Variants in AHCYL2 observed in about 807,000 individuals in gnomAD.
The protein encoded by AHCYL2 is S-adenosylhomocysteine hydrolase-like protein 2.
A neutral mutation model predicts 81.4 loss-of-function variants in AHCYL2; 28 were observed. The observed-to-expected ratio is 0.34, with a 90% CI of 0.25 to 0.47. The LOEUF (loss-of-function observed/expected upper bound fraction) is 0.47. Among genes scored for constraint, AHCYL2 ranks in the 20% least tolerant of loss-of-function variants. The pLI is 1.00. For synonymous variants in AHCYL2, 272 were observed against 290.2 expected (o/e 0.94, Z 0.64); for missense variants, 551 against 785.1 (o/e 0.70, Z 3.56).
chr7:129,336,773 G>A (rs1388652756), intron 1 of AHCYL2, among the ~76,000 whole-genome samples: 3 of 151,918 alleles, frequency 2.0e-5, no homozygotes, highest in Non-Finnish European at 4.4e-5. Context: ...TTTTGAGACA[G>A]GGTCTCACTG....
intron 5 of AHCYL2, among the ~76,000 whole-genome samples, chr7:129,399,580 G>A (rs1055967201): frequency 4.6e-5 from 7 of 152,092 alleles, no homozygotes; most frequent in Non-Finnish European, 7.4e-5. Context: ...GGAGAAACAC[G>A]TAAGGGTTTT....
chr7:129,333,834 G>A (rs182012601), intron 1 of AHCYL2, among the ~76,000 whole-genome samples: 91 of 152,282 alleles, frequency 6.0e-4, no homozygotes, highest in South Asian at 1.0e-3. Flanking sequence ...GGTTGATAGT[G>A]AACTTATGTG....
At chr7:129,302,888 C>CT (rs2150765211) in intron 1 of AHCYL2, among the ~76,000 whole-genome samples, 2 of 152,162 alleles carry the variant, frequency 1.3e-5, no homozygotes, top group South Asian at 4.1e-4. Context: ...GGAAGTATTC[C>CT]TTCCACCTCC....
chr7:129,354,844 T>TAATTGGCTCATGACCTTTAAAA (rs1434889876), intron 1 of AHCYL2, among the ~76,000 whole-genome samples: 1 of 152,162 alleles, frequency 6.6e-6, no homozygotes, highest in Non-Finnish European at 1.5e-5. Flanking sequence ...CCGTAGGAAA[T>TAATTGGCTCATGACCTTTAAAA]AATTGGCTCA....
chr7:129,327,845 G>A (rs13236141), intron 1 of AHCYL2, among the ~76,000 whole-genome samples: 96 of 151,960 alleles, frequency 6.3e-4, no homozygotes, highest in African/African-American at 2.2e-3. Context: ...CCAGGCTGTA[G>A]TGCAGTGATG....
chr7:129,361,105 A>C (rs1021378908), intron 1 of AHCYL2, among the ~76,000 whole-genome samples: 5 of 152,236 alleles, frequency 3.3e-5, no homozygotes, highest in African/African-American at 4.8e-5. Flanking sequence ...CAAGATCTTC[A>C]CATGATTTAT....
chr7:129,255,554 CT>C (rs1795386659), intron 1 of AHCYL2, among the ~76,000 whole-genome samples: 1 of 152,162 alleles, frequency 6.6e-6, no homozygotes, highest in African/African-American at 2.4e-5. Flanking sequence ...GACACGTCAT[CT>C]ATTTACATGA....
intron 1 of AHCYL2, among the ~76,000 whole-genome samples, chr7:129,372,748 G>A (rs2150866601): frequency 6.6e-6 from 1 of 152,258 alleles, no homozygotes; most frequent in Non-Finnish European, 1.5e-5. Context: ...CTGAGAGGTG[G>A]AGGTTGCAGT....
At chr7:129,275,975 A>G (rs905570804) in intron 1 of AHCYL2, among the ~76,000 whole-genome samples, 2 of 152,102 alleles carry the variant, frequency 1.3e-5, no homozygotes, top group Admixed American at 6.6e-5. Flanking sequence ...TTGAACACAC[A>G]CTGAATTCAT....
chr7:129,299,222 C>A (rs1270928891), intron 1 of AHCYL2, among the ~76,000 whole-genome samples: 1 of 148,948 alleles, frequency 6.7e-6, no homozygotes, highest in South Asian at 2.1e-4. Context: ...ATGGGAAGAT[C>A]GCTTGAGGCT....
intron 1 of AHCYL2, among the ~76,000 whole-genome samples, chr7:129,291,403 G>A (rs1192487384): frequency 6.6e-6 from 1 of 151,966 alleles, no homozygotes; most frequent in Non-Finnish European, 1.5e-5. Context: ...CAGACATTAA[G>A]TAACTTACTG....
intron 1 of AHCYL2, among the ~76,000 whole-genome samples, chr7:129,246,790 C>A (rs946391136): frequency 2.6e-5 from 4 of 152,162 alleles, no homozygotes; most frequent in Admixed American, 6.6e-5. Context: ...AGCCACCATG[C>A]CTTTTCTGGA....
chr7:129,343,411 A>G (rs938075569), intron 1 of AHCYL2, among the ~76,000 whole-genome samples: 1 of 152,186 alleles, frequency 6.6e-6, no homozygotes, highest in Non-Finnish European at 1.5e-5. Context: ...TTAGCGATAT[A>G]TGGACAATTA....
intron 15 of AHCYL2, 69 bp downstream of exon 15, chr7:129,425,210 G>A (rs1049568382): frequency 6.9e-7 from 1 of 1,441,682 alleles, no homozygotes; most frequent in African/African-American, 1.4e-5. Context: ...AGGAAGTTTG[G>A]GGGCATTAAC....
intron 1 of AHCYL2, among the ~76,000 whole-genome samples, chr7:129,304,949 C>G (rs1338886838): frequency 6.7e-6 from 1 of 149,526 alleles, no homozygotes; most frequent in East Asian, 1.9e-4. Flanking sequence ...TTTTTTTGGT[C>G]TTCTCTTTCT....
intron 1 of AHCYL2, among the ~76,000 whole-genome samples, chr7:129,300,010 T>A (rs535687481): frequency 1.8e-4 from 28 of 152,324 alleles, no homozygotes; most frequent in Non-Finnish European, 3.2e-4. Context: ...TTAAAATTTT[T>A]AATTTTCGTG....
chr7:129,366,283 C>T (rs1236167879), intron 1 of AHCYL2, among the ~76,000 whole-genome samples: 1 of 152,180 alleles, frequency 6.6e-6, no homozygotes, highest in Non-Finnish European at 1.5e-5. Flanking sequence ...CTGTTTTCAC[C>T]TGCCTTTCTC....
intron 1 of AHCYL2, among the ~76,000 whole-genome samples, chr7:129,244,388 T>A (rs1249768742): frequency 6.6e-6 from 1 of 151,234 alleles, no homozygotes; most frequent in Admixed American, 6.6e-5. Context: ...GTCTTTTCTC[T>A]GTGATACGTG....
rs778217871 is a variant in AHCYL2 at position 129,399,724 on chromosome 7, C to CTT, written c.824-547_824-546dup. 4.7e-3 allele frequency among the ~76,000 whole-genome samples: 569 copies of CTT among 122,340 alleles called. 5 individuals carry two copies. Among genetic ancestry groups the CTT allele is most frequent in the African/African-American group, 0.011 (337 of 31,198 alleles). 80.3% of individuals were successfully genotyped at this position (122,340 alleles called of 152,430 possible). Reference sequence around the variant, plus strand: ...CTGGTTTTTGTTTTCCCTTTAGTCACTTTTTTTTTTTTTTTTTTTTGAGAC... The same window carrying CTT: ...CTGGTTTTTGTTTTCCCTTTAGTCACTTTTTTTTTTTTTTTTTTTTTTGAGAC... On this transcript the variant is annotated intron_variant, in intron 5 of 16. Transcript: ENST00000325006.
Sources: gnomAD v4.1 joint callset for allele counts (sites outside exome capture counted in the v4.1 genomes callset) on GRCh38, gnomAD v4.1.1 for gene constraint, MANE v1.5 for transcripts, NCBI Gene and HGNC (gene_info 2026-07-23, HGNC 2026-07-21) for gene names.